The following TNNI3K variants were observed in gnomAD, a reference collection of about 807,000 sequenced individuals.
The protein encoded by TNNI3K is TNNI3 interacting kinase.
Under a neutral mutation model 114.5 loss-of-function variants are expected in TNNI3K, and 140 were observed. The ratio of observed to expected loss-of-function variants is 1.22; its 90% confidence interval spans 1.07 to 1.41. The LOEUF is 1.41. TNNI3K is among the 40% of genes most tolerant of loss of function. The probability of loss-of-function intolerance (pLI) is 0.00; values close to 1 mark genes in which losing one functional copy is unlikely to be tolerated. For missense variants in TNNI3K, 1,125 were observed against 1,007.6 expected (o/e 1.12, Z -1.58); for synonymous variants, 347 against 347.5 (o/e 1.00, Z 0.02).
intron 21 of TNNI3K, among the ~76,000 whole-genome samples, chr1:74,479,797 G>A (rs1412540852): frequency 2.6e-5 from 4 of 152,190 alleles, no homozygotes; most frequent in Non-Finnish European, 4.4e-5. Flanking sequence ...AAATGCACTA[G>A]TACTCTTTGG....
chr1:74,446,357 C>T (rs1336157995), intron 20 of TNNI3K, among the ~76,000 whole-genome samples: 1 of 148,916 alleles, frequency 6.7e-6, no homozygotes, highest in African/African-American at 2.5e-5. Context: ...AGTGTCTGTT[C>T]ATGTCCTTCG....
At chr1:74,411,697 TA>T (rs1434107051) in intron 17 of TNNI3K, among the ~76,000 whole-genome samples, 5 of 152,050 alleles carry the variant, frequency 3.3e-5, no homozygotes, top group African/African-American at 1.2e-4. Context: ...GTAAGATAGA[TA>T]AAGAATGGAA....
intron 3 of TNNI3K, 35 bp downstream of exon 3, chr1:74,249,579 T>C (rs753491317): frequency 3.1e-6 from 5 of 1,599,154 alleles, no homozygotes; most frequent in Admixed American, 1.7e-5. Context: ...CTTAAACTGG[T>C]TATATGTGTA....
intron 5 of TNNI3K, among the ~76,000 whole-genome samples, chr1:74,324,599 G>T (rs1659800405): frequency 6.6e-6 from 1 of 152,166 alleles, no homozygotes; most frequent in Non-Finnish European, 1.5e-5. Context: ...TAAACTTACA[G>T]ATCTCAGAAA....
At chr1:74,406,646 A>C (rs142268781) in intron 17 of TNNI3K, among the ~76,000 whole-genome samples, 1 of 152,346 alleles carries the variant, frequency 6.6e-6, no homozygotes, top group East Asian at 1.9e-4. Context: ...TAAGGCCTGT[A>C]ACCTGAGTTA....
At chr1:74,475,855 A>G in intron 21 of TNNI3K, 1 of 535,984 alleles carries the variant, frequency 1.9e-6, no homozygotes, top group East Asian at 2.9e-5. Context: ...TCTTGGGAAG[A>G]AACACATAAA....
intron 5 of TNNI3K, among the ~76,000 whole-genome samples, chr1:74,284,921 AT>A (rs912683077): frequency 1.3e-5 from 2 of 152,256 alleles, no homozygotes; most frequent in African/African-American, 4.8e-5. Flanking sequence ...ATAGTTAAAG[AT>A]TTTTTTTCTC....
chr1:74,366,165 G>A (rs989615833), intron 11 of TNNI3K, among the ~76,000 whole-genome samples: 1 of 151,974 alleles, frequency 6.6e-6, no homozygotes, highest in Non-Finnish European at 1.5e-5. Flanking sequence ...CAGATCCTTT[G>A]TGATGGATAA....
At chr1:74,465,600 C>T (rs1328673043) in intron 21 of TNNI3K, among the ~76,000 whole-genome samples, 4 of 152,312 alleles carry the variant, frequency 2.6e-5, no homozygotes, top group East Asian at 1.9e-4. Context: ...CCCTGCTTCA[C>T]GGCACCGGGT....
chr1:74,540,397 G>T, intron 24 of TNNI3K, 84 bp downstream of exon 24: 1 of 1,264,418 alleles, frequency 7.9e-7, no homozygotes, highest in Admixed American at 2.2e-5. Context: ...AGAAAGCATT[G>T]CATATTGTAA....
intron 5 of TNNI3K, among the ~76,000 whole-genome samples, chr1:74,278,299 T>C (rs191933618): frequency 5.3e-5 from 8 of 152,268 alleles, no homozygotes; most frequent in African/African-American, 1.7e-4. Flanking sequence ...TTTGAATAGA[T>C]AACTTTGTAC....
chr1:74,455,478 A>G (rs897992550), intron 20 of TNNI3K, among the ~76,000 whole-genome samples: 1 of 152,200 alleles, frequency 6.6e-6, no homozygotes, highest in Non-Finnish European at 1.5e-5. Flanking sequence ...GGTTCTCTAG[A>G]GAAGCAGAAC....
chr1:74,511,593 A>G (rs6690871), intron 23 of TNNI3K, among the ~76,000 whole-genome samples: 66,459 of 151,864 alleles, frequency 0.44, 15,055 homozygotes, highest in East Asian at 0.79. Flanking sequence ...CAGCTCTTAT[A>G]TATTGAATCA....
intron 5 of TNNI3K, among the ~76,000 whole-genome samples, chr1:74,302,832 A>G (rs1658409011): frequency 6.6e-6 from 1 of 152,240 alleles, no homozygotes; most frequent in Non-Finnish European, 1.5e-5. Context: ...GTGCTGATGT[A>G]AACACTGAAG....
intron 20 of TNNI3K, 56 bp from the exon 21 acceptor site, chr1:74,463,385 T>G (rs1667532247): frequency 1.3e-6 from 2 of 1,584,028 alleles, no homozygotes; most frequent in South Asian, 2.2e-5. Context: ...TGTCTTCATT[T>G]GTTGCTTGAA....
intron 19 of TNNI3K, 65 bp from the exon 20 acceptor site, chr1:74,439,425 T>C: frequency 6.4e-7 from 1 of 1,574,566 alleles, no homozygotes. Flanking sequence ...CTAAGAAGAA[T>C]GCTACTCTGC....
chr1:74,533,938 G>C (rs901899729), intron 23 of TNNI3K, among the ~76,000 whole-genome samples: 13 of 152,142 alleles, frequency 8.5e-5, no homozygotes, highest in African/African-American at 3.1e-4. Context: ...AAAAACTTTT[G>C]TTCAAGTTCA....
intron 5 of TNNI3K, among the ~76,000 whole-genome samples, chr1:74,324,442 A>G (rs1020781256): frequency 6.6e-6 from 1 of 152,228 alleles, no homozygotes; most frequent in African/African-American, 2.4e-5. Flanking sequence ...ATGATCACTG[A>G]AATACCTTTG....
At chr1:74,272,304 A>C (rs970776228) in intron 5 of TNNI3K, among the ~76,000 whole-genome samples, 2 of 151,940 alleles carry the variant, frequency 1.3e-5, no homozygotes, top group Non-Finnish European at 2.9e-5. Flanking sequence ...AGACAAGAAA[A>C]TATTACATAA....
Sources: gnomAD v4.1 joint callset for allele counts (sites outside exome capture counted in the v4.1 genomes callset) on GRCh38, gnomAD v4.1.1 for gene constraint, MANE v1.5 for transcripts, NCBI Gene and HGNC (gene_info 2026-07-23, HGNC 2026-07-21) for gene names.